GLRA2: variants seen among roughly 807,000 people sequenced by gnomAD.
The protein encoded by GLRA2 is glycine receptor alpha 2.
In GLRA2, 11 loss-of-function variants were observed where a neutral mutation model predicts 31.6. The ratio of observed to expected loss-of-function variants is 0.35; its 90% confidence interval spans 0.22 to 0.58. The LOEUF (loss-of-function observed/expected upper bound fraction) is 0.58. GLRA2 is among the 20% of genes least tolerant of loss of function. The probability of loss-of-function intolerance (pLI) is 0.84; values close to 1 mark genes in which losing one functional copy is unlikely to be tolerated. For synonymous variants in GLRA2, 132 were observed against 134.0 expected (o/e 0.99, Z 0.10); for missense variants, 212 against 351.8 (o/e 0.60, Z 3.18).
rs187648440 is a variant in GLRA2, at chrX:14,564,283, G to C, written c.203-10050G>C. On this transcript the variant is annotated intron_variant, in intron 2 of 8. Transcript: ENST00000218075. ...ACTGGTTTCTCAGTGGAAACCATAA[G>C]GGCCAGAAGACAATGGGATGATATA... Among the ~76,000 whole-genome samples the C allele has an allele frequency of 4.9e-3, 541 of 109,659 alleles. 5 individuals are homozygous for C. The highest frequency in any genetic ancestry group is 0.017 in the African/African-American group (521 of 30,143).
intron 4 of GLRA2, among the ~76,000 whole-genome samples, chrX:14,584,914 G>T (rs1460403669): frequency 1.8e-5 from 2 of 111,540 alleles, no homozygotes; most frequent in Non-Finnish European, 3.8e-5. Context: ...TGTAGTTGCT[G>T]TTGTTGCTTT....
chrX:14,708,358 T>C (rs1452851625), intron 8 of GLRA2, among the ~76,000 whole-genome samples: 1 of 111,589 alleles, frequency 9.0e-6, no homozygotes, highest in Non-Finnish European at 1.9e-5. Context: ...TTAAACCTTC[T>C]CACATACCCT....
At chrX:14,586,164 TA>T (rs1260568988) in intron 4 of GLRA2, among the ~76,000 whole-genome samples, 2 of 109,520 alleles carry the variant, frequency 1.8e-5, no homozygotes, top group East Asian at 2.9e-4. Flanking sequence ...GGTAGGGGTC[TA>T]AAAAAAAAGA....
intron 4 of GLRA2, among the ~76,000 whole-genome samples, chrX:14,603,182 T>C (rs1014322461): frequency 1.8e-5 from 2 of 110,630 alleles, no homozygotes; most frequent in Non-Finnish European, 3.8e-5. Flanking sequence ...ATTAGTGATG[T>C]TGAGCATTTT....
chrX:14,499,936 T>C, the GLRA2 span, among the ~76,000 whole-genome samples: 2 of 111,970 alleles, frequency 1.8e-5, no homozygotes, highest in Admixed American at 9.5e-5. Flanking sequence ...TTTTCTTCTA[T>C]TGATAGTTTG....
At chrX:14,570,239 AAAAC>A (rs1280368401) in intron 2 of GLRA2, among the ~76,000 whole-genome samples, 1 of 112,254 alleles carries the variant, frequency 8.9e-6, no homozygotes, top group South Asian at 3.7e-4. Context: ...ATATTTATAT[AAAAC>A]AAATAACATG....
intron 4 of GLRA2, among the ~76,000 whole-genome samples, chrX:14,603,870 T>C (rs1308391001): frequency 8.9e-6 from 1 of 111,988 alleles, no homozygotes; most frequent in Non-Finnish European, 1.9e-5. Context: ...AACTAGCACT[T>C]ACCATGATCA....
At chrX:14,454,823 A>C in the GLRA2 span, among the ~76,000 whole-genome samples, 2 of 112,174 alleles carry the variant, frequency 1.8e-5, no homozygotes, top group African/African-American at 3.2e-5. Context: ...TTAGAACTAA[A>C]CAATGATATA....
At chrX:14,688,970 T>C (rs2091311755) in intron 7 of GLRA2, among the ~76,000 whole-genome samples, 1 of 112,184 alleles carries the variant, frequency 8.9e-6, no homozygotes, top group South Asian at 3.7e-4. Flanking sequence ...CTAAAATCTT[T>C]ATGTATATTA....
the GLRA2 span, among the ~76,000 whole-genome samples, chrX:14,452,554 G>A: frequency 8.9e-6 from 1 of 112,390 alleles, no homozygotes; most frequent in Non-Finnish European, 1.9e-5. Flanking sequence ...ACGAGTCCTA[G>A]TAATGATCAA....
chrX:14,603,197 CA>C (rs1214895247), intron 4 of GLRA2, among the ~76,000 whole-genome samples: 1 of 109,912 alleles, frequency 9.1e-6, no homozygotes, highest in Non-Finnish European at 1.9e-5. Flanking sequence ...CATTTTTTCA[CA>C]TCTTTTTTGG....
At chrX:14,495,007 CGGCTGCAATTTTAGCAGT>C in the GLRA2 span, among the ~76,000 whole-genome samples, 24 of 111,658 alleles carry the variant, frequency 2.1e-4, no homozygotes, top group Admixed American at 9.5e-5. Flanking sequence ...TCACTTCAGC[CGGCTGCAATTTTAGCAGT>C]GGCTGCAATT....
chrX:14,625,317 T>A (rs1355272259), intron 7 of GLRA2, among the ~76,000 whole-genome samples: 2 of 111,616 alleles, frequency 1.8e-5, no homozygotes, highest in Admixed American at 9.5e-5. Flanking sequence ...CCAGTCTGTG[T>A]CTTTTAATTG....
intron 8 of GLRA2, among the ~76,000 whole-genome samples, chrX:14,721,409 C>T (rs2091864360): frequency 9.0e-6 from 1 of 111,412 alleles, no homozygotes; most frequent in Non-Finnish European, 1.9e-5. Flanking sequence ...CAAAACACTA[C>T]ATTATACTCC....
At chrX:14,648,519 G>A (rs1301344917) in intron 7 of GLRA2, among the ~76,000 whole-genome samples, 1 of 111,656 alleles carries the variant, frequency 9.0e-6, no homozygotes, top group Non-Finnish European at 1.9e-5. Context: ...TGATAAAATA[G>A]ACTTTATTAA....
intron 4 of GLRA2, among the ~76,000 whole-genome samples, chrX:14,592,065 A>C (rs2090151035): frequency 9.0e-6 from 1 of 111,291 alleles, no homozygotes; most frequent in African/African-American, 3.3e-5. Flanking sequence ...ATAAAATGAG[A>C]CTGAACCAGA....
chrX:14,707,639 TA>T (rs1374352950), intron 8 of GLRA2, among the ~76,000 whole-genome samples: 1 of 100,073 alleles, frequency 1.0e-5, no homozygotes, highest in Non-Finnish European at 2.0e-5. Flanking sequence ...TTTGTAAAAG[TA>T]AATACTACTT....
In GLRA2 at chrX:14,604,302, T is replaced by G. The variant is rs760603018; in HGVS notation, c.495-13T>G. On this transcript the variant is annotated splice_polypyrimidine_tract_variant and intron_variant, in intron 4 of 8. Transcript: ENST00000218075. ...TTTAAAAATGGTTTTTAATTTTTTT[T>G]TTGTTTGCTAAGACTCACCTTGACC... 4 of 1,097,187 alleles carry G rather than the reference T, an allele frequency of 3.6e-6. No homozygotes were observed. Among genetic ancestry groups the G allele is most frequent in the East Asian group, 6.1e-5 (2 of 32,628 alleles). The allele number at this position is 1,097,187 out of a possible 1,213,427, so 90.4% of individuals were successfully genotyped here. A position where few individuals can be genotyped will look rare whatever the true frequency, so the allele number is the denominator to read the frequency against.
chrX:14,725,883 G>A (rs1304161509), intron 8 of GLRA2, among the ~76,000 whole-genome samples: 5 of 112,358 alleles, frequency 4.5e-5, no homozygotes, highest in Non-Finnish European at 7.5e-5. Context: ...ATCAAAGTGC[G>A]ATATAAAAAT....
Sources: allele counts gnomAD v4.1 joint callset (sites outside exome capture counted in the v4.1 genomes callset), GRCh38; gene constraint gnomAD v4.1.1; transcripts MANE v1.5; gene names NCBI Gene and HGNC (gene_info 2026-07-23, HGNC 2026-07-21).